The following ST6GALNAC3 variants were observed in gnomAD, a reference collection of about 807,000 sequenced individuals.
The protein encoded by ST6GALNAC3 is ST6 N-acetylgalactosaminide alpha-2,6-sialyltransferase 3.
In ST6GALNAC3, 25 loss-of-function variants were observed where a neutral mutation model predicts 32.7. The observed-to-expected ratio is 0.76, with a 90% CI of 0.56 to 1.07. The LOEUF is 1.07. ST6GALNAC3 is among the 50% of genes least tolerant of loss of function. The pLI is 0.00. For missense variants in ST6GALNAC3, 355 were observed against 382.4 expected (o/e 0.93, Z 0.60); for synonymous variants, 129 against 133.1 (o/e 0.97, Z 0.21).
At chr1:76,307,130 T>C (rs1661108003) in intron 1 of ST6GALNAC3, among the ~76,000 whole-genome samples, 1 of 152,092 alleles carries the variant, frequency 6.6e-6, no homozygotes, top group Non-Finnish European at 1.5e-5. Flanking sequence ...GCTGGACAGA[T>C]AGACACAAAT....
At chr1:76,144,694 T>C (rs389899) in intron 1 of ST6GALNAC3, among the ~76,000 whole-genome samples, 21,716 of 152,264 alleles carry the variant, frequency 0.14, 1,706 homozygotes, top group African/African-American at 0.16. Flanking sequence ...CTTCCCCTAA[T>C]GATTCTGTGA....
intron 1 of ST6GALNAC3, chr1:76,142,789 G>C: frequency 2.2e-6 from 1 of 447,852 alleles, no homozygotes; most frequent in Non-Finnish European, 4.5e-6. Flanking sequence ...GAACTTGCTG[G>C]TAGAGGCCCC....
At chr1:76,533,057 G>A (rs139863199) in intron 3 of ST6GALNAC3, among the ~76,000 whole-genome samples, 1 of 152,238 alleles carries the variant, frequency 6.6e-6, no homozygotes. Flanking sequence ...ATAACTTGCA[G>A]CTGCCAGAAT....
intron 3 of ST6GALNAC3, among the ~76,000 whole-genome samples, chr1:76,549,086 A>C (rs1018947485): frequency 3.3e-5 from 5 of 152,214 alleles, no homozygotes; most frequent in Non-Finnish European, 5.9e-5. Flanking sequence ...TTACACATAC[A>C]TCCTTTGTAT....
intron 1 of ST6GALNAC3, among the ~76,000 whole-genome samples, chr1:76,211,886 G>A (rs1336094058): frequency 6.6e-6 from 1 of 151,878 alleles, no homozygotes; most frequent in Non-Finnish European, 1.5e-5. Context: ...GTATACATAT[G>A]TAACAAACCT....
intron 3 of ST6GALNAC3, among the ~76,000 whole-genome samples, chr1:76,594,050 GC>G (rs1198926264): frequency 6.6e-6 from 1 of 152,088 alleles, no homozygotes; most frequent in African/African-American, 2.4e-5. Context: ...TCAGCATGGA[GC>G]CCCTGGACTG....
chr1:76,252,121 T>C (rs1001583219), intron 1 of ST6GALNAC3, among the ~76,000 whole-genome samples: 4 of 152,138 alleles, frequency 2.6e-5, no homozygotes, highest in Non-Finnish European at 4.4e-5. Context: ...AATTTAGTGA[T>C]GCAGAATTGC....
Position 76,257,260 on chromosome 1 carries a change from T to C in ST6GALNAC3, c.19-56545T>C, listed in dbSNP as rs150426698. 1.1e-4 allele frequency among the ~76,000 whole-genome samples: 16 copies of C among 152,320 alleles called. No individual in the cohort carries two copies. In the East Asian group the frequency reaches 2.7e-3, roughly 26 times the overall value. ...ACCAATCAAAATGTCTTGGTATTTCTTAATTTAAACAAATTCATTTTATAG... is the reference window on the plus strand; with the variant it reads ...ACCAATCAAAATGTCTTGGTATTTCCTAATTTAAACAAATTCATTTTATAG... On this transcript the variant is annotated intron_variant, in intron 1 of 4. Coordinates refer to ENST00000328299, the MANE Select transcript of ST6GALNAC3 (RefSeq NM_152996.4).
chr1:76,468,010 C>G (rs1264083662), intron 3 of ST6GALNAC3, among the ~76,000 whole-genome samples: 3 of 151,756 alleles, frequency 2.0e-5, no homozygotes, highest in African/African-American at 7.3e-5. Flanking sequence ...CTTCTTTACT[C>G]TCTTATATTT....
chr1:76,259,574 A>T (rs544858), intron 1 of ST6GALNAC3, among the ~76,000 whole-genome samples: 1 of 151,970 alleles, frequency 6.6e-6, no homozygotes, highest in African/African-American at 2.4e-5. Flanking sequence ...TGTTGAATAC[A>T]CCCATCAGTT....
chr1:76,614,760 A>G (rs1032079706), intron 3 of ST6GALNAC3, among the ~76,000 whole-genome samples: 1 of 148,592 alleles, frequency 6.7e-6, no homozygotes, highest in Non-Finnish European at 1.5e-5. Flanking sequence ...AAAAATTAAT[A>G]AATACCAATA....
intron 1 of ST6GALNAC3, among the ~76,000 whole-genome samples, chr1:76,184,519 G>GCGCGCACACACACACA (rs1335590722): frequency 8.9e-5 from 12 of 134,176 alleles, no homozygotes; most frequent in Middle Eastern, 3.8e-3. Flanking sequence ...CTCCTGGGCA[G>GCGCGCACACACACACA]CACACACACA....
At chr1:76,093,790 C>T (rs978913389) in intron 1 of ST6GALNAC3, among the ~76,000 whole-genome samples, 3 of 152,162 alleles carry the variant, frequency 2.0e-5, no homozygotes, top group African/African-American at 4.8e-5. Flanking sequence ...CCACAGTTTC[C>T]CATCCTTGGA....
chr1:76,575,838 T>A (rs1231068028), intron 3 of ST6GALNAC3, among the ~76,000 whole-genome samples: 1 of 152,064 alleles, frequency 6.6e-6, no homozygotes, highest in Non-Finnish European at 1.5e-5. Context: ...TTTCTTTTTT[T>A]TTAAATAAGA....
chr1:76,528,315 A>G (rs1303607418), intron 3 of ST6GALNAC3, among the ~76,000 whole-genome samples: 1 of 152,164 alleles, frequency 6.6e-6, no homozygotes, highest in African/African-American at 2.4e-5. Flanking sequence ...GTAGAAACTG[A>G]CACTGACACT....
intron 2 of ST6GALNAC3, among the ~76,000 whole-genome samples, chr1:76,380,862 CTAAATAGAATAAGG>C (rs1385889562): frequency 1.3e-5 from 2 of 152,064 alleles, no homozygotes; most frequent in African/African-American, 4.8e-5. Context: ...ATAATGAGAC[CTAAATAGAATAAGG>C]TACTGGGTAA....
At chr1:76,508,948 C>T (rs1290393654) in intron 3 of ST6GALNAC3, among the ~76,000 whole-genome samples, 1 of 152,142 alleles carries the variant, frequency 6.6e-6, no homozygotes, top group Non-Finnish European at 1.5e-5. Context: ...AGAGTGTCAA[C>T]TTAGTAAGGA....
At chr1:76,467,170 C>A (rs1481893985) in intron 3 of ST6GALNAC3, among the ~76,000 whole-genome samples, 1 of 151,952 alleles carries the variant, frequency 6.6e-6, no homozygotes. Context: ...ACCTCCCATT[C>A]TTGTTCTTTT....
intron 1 of ST6GALNAC3, among the ~76,000 whole-genome samples, chr1:76,195,854 A>G (rs533746087): frequency 1.3e-4 from 20 of 152,124 alleles, no homozygotes; most frequent in African/African-American, 4.8e-4. Context: ...TGGACTGTAC[A>G]GTTCAAGAAT....
Sources: allele counts gnomAD v4.1 joint callset (sites outside exome capture counted in the v4.1 genomes callset), GRCh38; gene constraint gnomAD v4.1.1; transcripts MANE v1.5; gene names NCBI Gene and HGNC (gene_info 2026-07-23, HGNC 2026-07-21).